CCDC91: variants seen among roughly 807,000 people sequenced by gnomAD.
CCDC91 encodes the protein coiled-coil domain-containing protein 91.
In CCDC91, 48 loss-of-function variants were observed where a neutral mutation model predicts 63.2. The ratio of observed to expected loss-of-function variants is 0.76; its 90% CI spans 0.60 to 0.97. The LOEUF (loss-of-function observed/expected upper bound fraction) is 0.97, where lower values mean the gene tolerates loss of function less well. Ranked by LOEUF, CCDC91 falls within the 50% of genes least tolerant of loss-of-function variation. CCDC91 has a pLI of 0.00. For synonymous variants in CCDC91, 167 were observed against 165.8 expected, an observed-to-expected ratio of 1.01 and a Z score of -0.06; for missense variants, 500 against 494.6, an observed-to-expected ratio of 1.01 and a Z score of -0.10.
chr12:28,499,705 T>C lies in CCDC91; in HGVS notation c.1215+15540T>C, dbSNP rs531759543. Among the ~76,000 whole-genome samples, 4 of 152,300 alleles carry C rather than the reference T, an allele frequency of 2.6e-5. No homozygotes were observed. In the East Asian group the frequency reaches 7.7e-4, roughly 29 times the overall value. Reference sequence around the variant, plus strand: ...TTTTTTATGGTTGCATAGTATTCCATGGTGTATATGTGCCACATTTTCTTT... The same window carrying C: ...TTTTTTATGGTTGCATAGTATTCCACGGTGTATATGTGCCACATTTTCTTT... On this transcript the variant is annotated intron_variant, in intron 12 of 12. Coordinates refer to ENST00000536442, the MANE Select transcript of CCDC91 (RefSeq NM_018318.5).
chr12:28,305,564 A>T, intron 3 of CCDC91, 85 bp from the exon 4 acceptor site: 1 of 1,148,102 alleles, frequency 8.7e-7, no homozygotes. Context: ...CCTCTATTTC[A>T]GCTCTCTTTC....
intron 3 of CCDC91, chr12:28,268,533 A>G: frequency 3.0e-6 from 1 of 333,268 alleles, no homozygotes; most frequent in South Asian, 1.2e-4. Context: ...TAGATTCTAT[A>G]ACACCACATT....
Position 28,538,432 on chromosome 12 carries a change from G to T in CCDC91, c.1216-10631G>T, listed in dbSNP as rs571286186. On this transcript the variant is annotated intron_variant, in intron 12 of 12. Transcript: ENST00000536442. The stretch of plus-strand genomic sequence containing the variant: ...TCATCCATGTCCCTACAAAGGACAT[G>T]AACTCATCATTTTTTATGGCTGCAT... Among the ~76,000 whole-genome samples the T allele has an allele frequency of 1.2e-4, 18 of 152,000 alleles. No homozygotes were observed. The South Asian group carries it at 3.7e-3, about 32-fold the overall frequency.
chr12:28,525,133 TCTG>T (rs1049309103), intron 12 of CCDC91, among the ~76,000 whole-genome samples: 13 of 152,100 alleles, frequency 8.5e-5, no homozygotes, highest in Non-Finnish European at 1.9e-4. Flanking sequence ...TTTCCTTTCT[TCTG>T]CTGGGTTTGG....
chr12:28,517,344 T>A (rs1373617633), intron 12 of CCDC91, among the ~76,000 whole-genome samples: 1 of 151,944 alleles, frequency 6.6e-6, no homozygotes, highest in African/African-American at 2.4e-5. Context: ...TGTTTATATT[T>A]TCCCAAGGGC....
chr12:28,266,839 A>G (rs1426173506), intron 3 of CCDC91, among the ~76,000 whole-genome samples: 1 of 151,906 alleles, frequency 6.6e-6, no homozygotes, highest in African/African-American at 2.4e-5. Flanking sequence ...ATATGAAGAT[A>G]GTGCTCTGAC....
intron 3 of CCDC91, among the ~76,000 whole-genome samples, chr12:28,289,393 T>A (rs1949084018): frequency 6.6e-6 from 1 of 152,200 alleles, no homozygotes; most frequent in Non-Finnish European, 1.5e-5. Context: ...TTTGTTCTCA[T>A]TAGTTTCAAA....
At chr12:28,485,070 A>G (rs1194023119) in intron 12 of CCDC91, among the ~76,000 whole-genome samples, 1 of 152,006 alleles carries the variant, frequency 6.6e-6, no homozygotes, top group Non-Finnish European at 1.5e-5. Flanking sequence ...GGCAAAATAA[A>G]TAGAAAATAT....
At chr12:28,407,242 C>T (rs1565924419) in intron 8 of CCDC91, among the ~76,000 whole-genome samples, 1 of 152,116 alleles carries the variant, frequency 6.6e-6, no homozygotes, top group Non-Finnish European at 1.5e-5. Context: ...CCCATTAAAC[C>T]ACTTTTCTTA....
chr12:28,514,800 G>C (rs969255964), intron 12 of CCDC91, among the ~76,000 whole-genome samples: 9 of 151,756 alleles, frequency 5.9e-5, no homozygotes, highest in African/African-American at 2.2e-4. Context: ...ATGGTTGTAG[G>C]TGTGAGGCTT....
At chr12:28,504,014 A>G (rs942920960) in intron 12 of CCDC91, among the ~76,000 whole-genome samples, 1 of 152,076 alleles carries the variant, frequency 6.6e-6, no homozygotes, top group African/African-American at 2.4e-5. Flanking sequence ...ACAGCACACC[A>G]GCATGGCACA....
At chr12:28,474,738 T>A (rs1198518962) in intron 11 of CCDC91, among the ~76,000 whole-genome samples, 1 of 150,576 alleles carries the variant, frequency 6.6e-6, no homozygotes, top group Non-Finnish European at 1.5e-5. Context: ...AAAATTGCAA[T>A]AAGAATGTTG....
intron 11 of CCDC91, among the ~76,000 whole-genome samples, chr12:28,455,547 A>T (rs1188473635): frequency 1.3e-5 from 2 of 152,128 alleles, no homozygotes; most frequent in East Asian, 3.9e-4. Context: ...GGCATTACAA[A>T]AGCTGACAGA....
intron 12 of CCDC91, among the ~76,000 whole-genome samples, chr12:28,543,403 CTGTTT>C (rs1156446136): frequency 6.6e-6 from 1 of 151,886 alleles, no homozygotes; most frequent in Non-Finnish European, 1.5e-5. Flanking sequence ...TGTTTTTGTT[CTGTTT>C]TGTTTTGCTT....
Position 28,442,713 on chromosome 12 carries a change from A to G in CCDC91, c.763-7448A>G, listed in dbSNP as rs568454512. ...TCTTGAGTGAGTATTCTATATTCTC[A>G]GTAGATAACAATGAGAAAGTATATA... On this transcript the variant is annotated intron_variant, in intron 8 of 12. Coordinates refer to ENST00000536442, the MANE Select transcript of CCDC91 (RefSeq NM_018318.5). 3.3e-5 allele frequency among the ~76,000 whole-genome samples: 5 copies of G among 152,292 alleles called. No homozygotes were observed. The East Asian group carries it at 5.8e-4, about 18-fold the overall frequency.
chr12:28,358,365 T>TC (rs2138448500), intron 6 of CCDC91, among the ~76,000 whole-genome samples: 1 of 152,330 alleles, frequency 6.6e-6, no homozygotes, highest in African/African-American at 2.4e-5. Context: ...TCTAGTTCTG[T>TC]CTCTCTCTGA....
At chr12:28,220,780 A>G (rs1186387433) in intron 1 of CCDC91, among the ~76,000 whole-genome samples, 6 of 152,132 alleles carry the variant, frequency 3.9e-5, no homozygotes, top group Admixed American at 3.9e-4. Flanking sequence ...TCTGTTTTAC[A>G]TGGTTCTGGC....
At chr12:28,304,144 C>T (rs1488737335) in intron 3 of CCDC91, among the ~76,000 whole-genome samples, 7 of 151,328 alleles carry the variant, frequency 4.6e-5, no homozygotes, top group South Asian at 2.1e-4. Flanking sequence ...TTTGGGAGGC[C>T]GAGGCGGGCG....
At chr12:28,287,355 T>A (rs1948975154) in intron 3 of CCDC91, among the ~76,000 whole-genome samples, 1 of 152,174 alleles carries the variant, frequency 6.6e-6, no homozygotes, top group Non-Finnish European at 1.5e-5. Context: ...TACATTTAAG[T>A]CTTTAATCCA....
Sources: allele counts gnomAD v4.1 joint callset (sites outside exome capture counted in the v4.1 genomes callset), GRCh38; gene constraint gnomAD v4.1.1; transcripts MANE v1.5; gene names NCBI Gene and HGNC (gene_info 2026-07-23, HGNC 2026-07-21).